Variants in HDAC8 observed in about 807,000 individuals in gnomAD.
The protein encoded by HDAC8 is histone deacetylase 8.
In HDAC8, 1 loss-of-function variant was observed where a neutral mutation model predicts 32.2. The ratio of observed to expected loss-of-function variants is 0.03; its 90% CI spans 0.01 to 0.15. HDAC8 has a LOEUF of 0.15. Ranked by LOEUF, HDAC8 falls within the 10% of genes least tolerant of loss-of-function variation. The probability of loss-of-function intolerance (pLI) is 1.00; values close to 1 mark genes in which losing one functional copy is unlikely to be tolerated. For synonymous variants in HDAC8, 108 were observed against 113.9 expected (o/e 0.95, Z 0.33); for missense variants, 117 against 300.0 (o/e 0.39, Z 4.51).
intron 4 of HDAC8, among the ~76,000 whole-genome samples, chrX:72,534,570 A>G (rs1041692869): frequency 1.3e-4 from 14 of 111,295 alleles, no homozygotes; most frequent in African/African-American, 4.6e-4. Context: ...GGGCCTCCCA[A>G]AGTGCTGGGA....
chrX:72,337,315 C>G (rs1383793709), intron 10 of HDAC8, among the ~76,000 whole-genome samples: 2 of 112,019 alleles, frequency 1.8e-5, no homozygotes, highest in Non-Finnish European at 3.8e-5. Flanking sequence ...TGAAATATGT[C>G]TAGTGCAAGT....
intron 4 of HDAC8, among the ~76,000 whole-genome samples, chrX:72,528,856 C>G (rs1329087813): frequency 8.9e-6 from 1 of 112,343 alleles, no homozygotes; most frequent in African/African-American, 3.2e-5. Context: ...AGCTCAACAA[C>G]TGTTTGCTGA....
At chrX:72,524,661 G>A (rs909857808) in intron 4 of HDAC8, among the ~76,000 whole-genome samples, 2 of 111,154 alleles carry the variant, frequency 1.8e-5, no homozygotes, top group African/African-American at 6.6e-5. Flanking sequence ...TACTACACCC[G>A]CTTCTCACTA....
chrX:72,338,656 TTTATAA>T (rs1258172056), intron 10 of HDAC8, among the ~76,000 whole-genome samples: 3 of 93,226 alleles, frequency 3.2e-5, no homozygotes, highest in South Asian at 9.7e-4. Context: ...TATATATATA[TTTATAA>T]ATATATATAA....
intron 4 of HDAC8, among the ~76,000 whole-genome samples, chrX:72,567,313 C>T (rs185055140): frequency 1.2e-3 from 136 of 111,827 alleles, no homozygotes; most frequent in Non-Finnish European, 1.7e-3. Context: ...ATTCTTCAGC[C>T]TTTTGTTTTA....
At chrX:72,395,169 G>A (rs782129662) in intron 9 of HDAC8, among the ~76,000 whole-genome samples, 1 of 112,607 alleles carries the variant, frequency 8.9e-6, no homozygotes, top group Non-Finnish European at 1.9e-5. Context: ...AGAAGGAAAG[G>A]GTGATTATCT....
rs549411405 is a variant in HDAC8 at position 72,416,408 on chromosome X, G to GTTTTTTTTTTTTTT, written c.1005+45582_1005+45595dup. ...GATATTGGAAATTTGTGTCTTCTCT[G>GTTTTTTTTTTTTTT]TTTTTTTTTTTTTTTTTTTTTTTTT... On this transcript the variant is annotated intron_variant, in intron 9 of 10. Transcript: ENST00000373573. Among the ~76,000 whole-genome samples, 23 of 3,690 alleles carry GTTTTTTTTTTTTTT rather than the reference G, an allele frequency of 6.2e-3. 8 individuals carry two copies. The highest frequency in any genetic ancestry group is 0.013 in the Non-Finnish European group (15 of 1,177). 3.2% of individuals were successfully genotyped at this position (3,690 alleles called of 115,157 possible). A position where few individuals can be genotyped will look rare whatever the true frequency, so the allele number is the denominator to read the frequency against.
At chrX:72,568,683 T>TA (rs1436885888) in intron 3 of HDAC8, 71 bp downstream of exon 3, 25 of 1,125,501 alleles carry the variant, frequency 2.2e-5, no homozygotes, top group African/African-American at 7.2e-5. Context: ...CGAAAAATAT[T>TA]AAAAAAATCA....
At chrX:72,489,191 G>A (rs782305759) in intron 6 of HDAC8, 150 bp from the exon 7 acceptor site, 8 of 470,416 alleles carry the variant, frequency 1.7e-5, no homozygotes, top group Admixed American at 1.5e-4. Context: ...GGAGAAGCAG[G>A]CAAATCATAA....
At chrX:72,448,439 TGCATTAAAGACTTAAACATAAGACCTA>T (rs781820214) in intron 9 of HDAC8, among the ~76,000 whole-genome samples, 5 of 112,272 alleles carry the variant, frequency 4.5e-5, no homozygotes, top group Non-Finnish European at 7.5e-5. Flanking sequence ...TAACTCAAGA[TGCATTAAAGACTTAAACATAAGACCTA>T]AAATCATAAA....
At chrX:72,404,767 AT>A (rs1372079696) in intron 9 of HDAC8, among the ~76,000 whole-genome samples, 1 of 108,665 alleles carries the variant, frequency 9.2e-6, no homozygotes, top group Non-Finnish European at 1.9e-5. Context: ...GTTCATGATC[AT>A]TTTTTTTCTT....
intron 6 of HDAC8, among the ~76,000 whole-genome samples, chrX:72,489,622 A>C (rs1211722569): frequency 9.1e-6 from 1 of 110,481 alleles, no homozygotes; most frequent in African/African-American, 3.3e-5. Context: ...TAAAGACTTA[A>C]ACGTTAGACC....
intron 9 of HDAC8, among the ~76,000 whole-genome samples, chrX:72,445,342 T>C (rs1194575113): frequency 1.8e-5 from 2 of 110,731 alleles, no homozygotes; most frequent in Non-Finnish European, 3.8e-5. Flanking sequence ...GAGATATAGA[T>C]CAATGGAACA....
chrX:72,553,962 T>C (rs981853588), intron 4 of HDAC8, among the ~76,000 whole-genome samples: 18 of 112,271 alleles, frequency 1.6e-4, no homozygotes, highest in African/African-American at 4.9e-4. Context: ...ATGTTTCCTC[T>C]TTTGTGAATT....
intron 9 of HDAC8, among the ~76,000 whole-genome samples, chrX:72,371,661 T>A (rs781793263): frequency 1.8e-5 from 2 of 112,314 alleles, no homozygotes; most frequent in Non-Finnish European, 3.8e-5. Flanking sequence ...GCTAAGCCTA[T>A]AAGTTCCTGG....
chrX:72,488,140 G>A (rs191201455), intron 7 of HDAC8, among the ~76,000 whole-genome samples: 3 of 111,178 alleles, frequency 2.7e-5, no homozygotes, highest in Non-Finnish European at 3.8e-5. Context: ...AGTGATGATG[G>A]CCAGTGCAGG....
At chrX:72,564,626 A>G (rs1272618762) in intron 4 of HDAC8, among the ~76,000 whole-genome samples, 2 of 112,082 alleles carry the variant, frequency 1.8e-5, no homozygotes, top group African/African-American at 3.2e-5. Context: ...AGATGAGGGT[A>G]TAATGGTACA....
At chrX:72,482,904 T>A (rs1032237577) in intron 7 of HDAC8, among the ~76,000 whole-genome samples, 4 of 111,657 alleles carry the variant, frequency 3.6e-5, no homozygotes, top group African/African-American at 1.3e-4. Flanking sequence ...TTAGTAGGTA[T>A]TATAGATTGC....
rs188686751 is a variant in HDAC8 at position 72,356,287 on chromosome X, G to A, written c.1006-4449C>T. On this transcript the variant is annotated intron_variant, in intron 9 of 10. Transcript: ENST00000373573. ...TGCAAAGGGGGTATAGAGGATGGGA[G>A]GGAGGCAGAGAGTATGAAACATAAG... Among the ~76,000 whole-genome samples the A allele has an allele frequency of 9.9e-5, 11 of 111,364 alleles. No individual in the cohort carries two copies. The East Asian group carries it at 3.1e-3, about 31-fold the overall frequency.
Sources: allele counts gnomAD v4.1 joint callset (sites outside exome capture counted in the v4.1 genomes callset), GRCh38; gene constraint gnomAD v4.1.1; transcripts MANE v1.5; gene names NCBI Gene and HGNC (gene_info 2026-07-23, HGNC 2026-07-21).